LCMT1: variants seen among roughly 807,000 people sequenced by gnomAD.
LCMT1 encodes leucine carboxyl methyltransferase 1, also known as [Phosphatase 2A protein]-leucine-carboxy methyltransferase 1.
LCMT1 carries 32 observed loss-of-function variants against 47.7 expected under a neutral mutation model. That is an observed-to-expected ratio of 0.67 (90% confidence interval 0.51 to 0.90). The LOEUF (loss-of-function observed/expected upper bound fraction) is 0.90. Among genes scored for constraint, LCMT1 ranks in the 40% least tolerant of loss-of-function variants. LCMT1 has a pLI of 0.00. For missense variants in LCMT1, 375 were observed against 415.2 expected, an observed-to-expected ratio of 0.90 and a Z score of 0.84; for synonymous variants, 152 against 149.7, an observed-to-expected ratio of 1.02 and a Z score of -0.11.
chr16:25,128,414 T>G (rs1960249827), intron 1 of LCMT1, 61 bp from the exon 2 acceptor site: 3 of 1,264,674 alleles, frequency 2.4e-6, no homozygotes, highest in Non-Finnish European at 2.2e-6. Context: ...AACTTGGCAG[T>G]GGACCTTGGT....
At chr16:25,152,734 C>G (rs1961120186) in intron 5 of LCMT1, among the ~76,000 whole-genome samples, 1 of 152,172 alleles carries the variant, frequency 6.6e-6, no homozygotes. Context: ...TCCTCCAGTT[C>G]TGTCCCCACG....
At chr16:25,116,903 AAAG>A (rs1329380230) in intron 1 of LCMT1, among the ~76,000 whole-genome samples, 3 of 151,880 alleles carry the variant, frequency 2.0e-5, no homozygotes, top group African/African-American at 4.8e-5. Context: ...AAAACAAAAA[AAAG>A]AGATAAACCA....
At position 25,135,281 on chromosome 16, in the gene LCMT1, T is replaced by TAAAAAAAAAAAAA. The variant is rs1316661688; in HGVS notation, c.327+2762_327+2763insAAAAAAAAAAAAA. Among the ~76,000 whole-genome samples, 30 of 131,470 alleles carry TAAAAAAAAAAAAA rather than the reference T, an allele frequency of 2.3e-4. 1 individual carries two copies. The highest frequency in any genetic ancestry group is 8.3e-4 in the African/African-American group (30 of 36,094). The allele number at this position is 131,470 out of a possible 152,430, so 86.2% of individuals were successfully genotyped here. ...CCTTTTTTTGGTCTGAAGTTTCTTT[T>TAAAAAAAAAAAAA]AAAATATATATCTATATATATATAT... On this transcript the variant is annotated intron_variant, in intron 3 of 10. Transcript: ENST00000399069.
chr16:25,154,489 CTTT>C (rs748304475), intron 5 of LCMT1, among the ~76,000 whole-genome samples: 14 of 123,746 alleles, frequency 1.1e-4, no homozygotes, highest in African/African-American at 4.3e-4. Flanking sequence ...TGGATGTGTT[CTTT>C]TTTTTTTTTT....
In LCMT1 at chr16:25,178,066, C is replaced by T. The variant is rs751958996; in HGVS notation, c.*43C>T. The T allele has an allele frequency of 1.2e-6, 2 of 1,609,060 alleles. No individual in the cohort carries two copies. The highest frequency in any genetic ancestry group is 4.5e-5 in the East Asian group (2 of 44,822). On this transcript the variant is annotated 3_prime_UTR_variant, in exon 11 of 11. Transcript: ENST00000399069. ...CCGAGCCAGAAGCCGAAGCCACTTG[C>T]CCTCCTGGAGGAGACCTGCAAGCTC...
At chr16:25,168,971 C>T (rs925154010) in intron 7 of LCMT1, 141 bp from the exon 8 acceptor site, 1 of 635,502 alleles carries the variant, frequency 1.6e-6, no homozygotes, top group Non-Finnish European at 2.8e-6. Flanking sequence ...GTGCTGGTGC[C>T]CGCCCCTCAG....
At chr16:25,163,943 G>C (rs1385870740) in intron 6 of LCMT1, among the ~76,000 whole-genome samples, 1 of 152,160 alleles carries the variant, frequency 6.6e-6, no homozygotes, top group Non-Finnish European at 1.5e-5. Context: ...AGTTTGGACA[G>C]GGCTTAGCTG....
intron 8 of LCMT1, 76 bp downstream of exon 8, chr16:25,169,289 G>A (rs6497812): frequency 1 from 972,819 of 974,588 alleles, 485,541 homozygotes; most frequent in East Asian, 1. Context: ...CTTTGCAGAT[G>A]TGATCATGGA....
chr16:25,162,288 C>A (rs763748640), intron 6 of LCMT1, among the ~76,000 whole-genome samples: 2 of 152,086 alleles, frequency 1.3e-5, no homozygotes, highest in South Asian at 4.1e-4. Context: ...GTTTCCTCTT[C>A]GGAAAAATGT....
intron 5 of LCMT1, among the ~76,000 whole-genome samples, chr16:25,158,550 C>T (rs766779677): frequency 6.6e-6 from 1 of 151,406 alleles, no homozygotes; most frequent in Non-Finnish European, 1.5e-5. Flanking sequence ...CTCATTTTGG[C>T]AACCAAGTTA....
rs188020236 is a variant in LCMT1 at position 25,163,541 on chromosome 16, C to T, written c.570-1057C>T. Among the ~76,000 whole-genome samples the T allele has an allele frequency of 4.0e-5, 6 of 151,484 alleles. No homozygotes were observed. The East Asian group carries it at 7.8e-4, about 20-fold the overall frequency. On this transcript the variant is annotated intron_variant, in intron 6 of 10. Transcript: ENST00000399069. ...ATACAATCATTCATTTGTCTATTCA[C>T]TCATTTAGCAAATAATCGAGATTCT... is the stretch of plus-strand genomic sequence containing the variant.
intron 1 of LCMT1, among the ~76,000 whole-genome samples, chr16:25,122,311 TGA>T (rs1456462478): frequency 2.3e-4 from 35 of 152,112 alleles, no homozygotes; most frequent in Non-Finnish European, 3.4e-4. Flanking sequence ...ATGATGATGA[TGA>T]TGATTATTGT....
intron 1 of LCMT1, among the ~76,000 whole-genome samples, chr16:25,125,724 C>T (rs912915466): frequency 1.1e-4 from 17 of 151,456 alleles, no homozygotes; most frequent in African/African-American, 4.1e-4. Flanking sequence ...CCCAGCTACT[C>T]GGGAGGCTGA....
intron 1 of LCMT1, among the ~76,000 whole-genome samples, chr16:25,113,984 T>TG (rs1315915214): frequency 6.6e-6 from 1 of 152,204 alleles, no homozygotes; most frequent in Non-Finnish European, 1.5e-5. Context: ...CCTTTATGGG[T>TG]GTCAGGATTA....
chr16:25,165,108 C>CTG (rs11474331), intron 7 of LCMT1, among the ~76,000 whole-genome samples: 150,683 of 152,188 alleles, frequency 0.99, 74,620 homozygotes, highest in Middle Eastern at 1. Context: ...GGTTTGGGGA[C>CTG]TGGTGAAACG....
intron 5 of LCMT1, among the ~76,000 whole-genome samples, chr16:25,153,280 C>T (rs1961134637): frequency 6.6e-6 from 1 of 152,220 alleles, no homozygotes; most frequent in African/African-American, 2.4e-5. Flanking sequence ...GCTTCTATAA[C>T]AGAATACCTG....
At chr16:25,161,075 A>G in intron 5 of LCMT1, 27 bp from the exon 6 acceptor site, 1 of 1,405,562 alleles carries the variant, frequency 7.1e-7, no homozygotes, top group Non-Finnish European at 9.9e-7. Context: ...TATTCATTAA[A>G]ATTATAGCCT....
At chr16:25,120,850 G>T (rs1959961975) in intron 1 of LCMT1, among the ~76,000 whole-genome samples, 1 of 150,514 alleles carries the variant, frequency 6.6e-6, no homozygotes, top group Admixed American at 6.6e-5. Context: ...CCGGGCTCAG[G>T]TGATCCTCCC....
rs1020168992 is a variant in LCMT1, at chr16:25,132,669, C to T, written c.327+146C>T. ...TGTCCCATCTGCCTAGATGCCCCTA[C>T]GACTCTCAGTCCTGTTTTATCTCAC... On this transcript the variant is annotated intron_variant, in intron 3 of 10. Coordinates refer to ENST00000399069, the MANE Select transcript of LCMT1 (RefSeq NM_016309.3). 101 of 748,260 alleles carry T rather than the reference C, an allele frequency of 1.3e-4. No homozygotes were observed. The Admixed American group carries it at 2.2e-3, about 16-fold the overall frequency. The allele number at this position is 748,260 out of a possible 1,614,324, so 46.4% of individuals were successfully genotyped here.
Sources: allele counts gnomAD v4.1 joint callset (sites outside exome capture counted in the v4.1 genomes callset), GRCh38; gene constraint gnomAD v4.1.1; transcripts MANE v1.5; gene names NCBI Gene and HGNC (gene_info 2026-07-23, HGNC 2026-07-21).